Variants in ATP6V1B2 observed in about 807,000 individuals in gnomAD.
ATP6V1B2 encodes the protein V-type proton ATPase subunit B, brain isoform.
In ATP6V1B2, 23 loss-of-function variants were observed where a neutral mutation model predicts 66.7. That is an observed-to-expected ratio of 0.34 (90% CI 0.25 to 0.49). The LOEUF (loss-of-function observed/expected upper bound fraction) is 0.49, where lower values mean the gene tolerates loss of function less well. ATP6V1B2 is among the 20% of genes least tolerant of loss of function. The pLI, the probability that ATP6V1B2 is intolerant of heterozygous loss-of-function variation, is 0.99. For missense variants in ATP6V1B2, 478 were observed against 650.8 expected, an observed-to-expected ratio of 0.73 and a Z score of 2.89; for synonymous variants, 278 against 236.7, an observed-to-expected ratio of 1.17 and a Z score of -1.60.
chr8:20,211,732 A>T lies in ATP6V1B2; in HGVS notation c.684A>T (p.Ala228=), dbSNP rs114753726. The T allele has an allele frequency of 6.2e-7, 1 of 1,609,678 alleles. No homozygotes were observed. Among genetic ancestry groups the T allele is most frequent in the African/African-American group, 1.3e-5 (1 of 74,600 alleles). ...DVVDYSEENF[A]IVFAAMGVNM... ...TAGACTACAGTGAGGAAAATTTTGC[A>T]ATTGTATTTGCTGCTATGGGTGTAA... Residue 228 remains alanine (A), a synonymous_variant, in exon 7 of 14, where the codon GCA becomes GCT. Transcript: ENST00000276390.
At chr8:20,199,152 A>T (rs2072658286) in intron 1 of ATP6V1B2, among the ~76,000 whole-genome samples, 1 of 152,238 alleles carries the variant, frequency 6.6e-6, no homozygotes, top group Non-Finnish European at 1.5e-5. Flanking sequence ...AACCTTTAAG[A>T]GAGATGAATA....
chr8:20,197,482 G>A lies in ATP6V1B2; in HGVS notation c.76G>A (p.Val26Met), dbSNP rs749013791. 1 of 1,515,486 alleles carries A rather than the reference G, an allele frequency of 6.6e-7. No homozygotes were observed. The highest frequency in any genetic ancestry group is 8.8e-7 in the Non-Finnish European group (1 of 1,132,244). The allele number at this position is 1,515,486 out of a possible 1,614,324, so 93.9% of individuals were successfully genotyped here. Residue 26 changes from valine to methionine, a missense_variant, in exon 1 of 14, where the codon GTG (valine) becomes ATG (methionine). Transcript: ENST00000276390. Reference sequence around the variant, plus strand: ...ACCCGTGCCCACCGGTGGGCCGGCGGTGGGAGCTCGGGAGCAGGCGCTGGC... The same window carrying A: ...ACCCGTGCCCACCGGTGGGCCGGCGATGGGAGCTCGGGAGCAGGCGCTGGC... Reference protein sequence around the residue: ...ELPVPTGGPAVGAREQALAVS... With the variant: ...ELPVPTGGPAMGAREQALAVS...
chr8:20,214,554 CT>C, intron 9 of ATP6V1B2: 1 of 269,430 alleles, frequency 3.7e-6, no homozygotes, highest in South Asian at 1.5e-4. Flanking sequence ...AACAGATTTT[CT>C]TCTAGCAAAC....
rs1053968701 is a variant in ATP6V1B2, at chr8:20,214,593, C to T, written c.928-225C>T. On this transcript the variant is annotated intron_variant, in intron 9 of 13. Coordinates refer to ENST00000276390, the MANE Select transcript of ATP6V1B2 (RefSeq NM_001693.4). ...TTTGAAAACTTACATTATGGCAATA[C>T]GATTTTAGCAAAAACCTTCTGGTGC... is the stretch of plus-strand genomic sequence containing the variant. The T allele has an allele frequency of 2.9e-5, 11 of 375,300 alleles. 1 individual carries two copies. The highest frequency in any genetic ancestry group is 1.3e-4 in the African/African-American group (6 of 47,924). 23.2% of individuals were successfully genotyped at this position (375,300 alleles called of 1,614,324 possible). A position where few individuals can be genotyped will look rare whatever the true frequency, so the allele number is the denominator to read the frequency against.
intron 1 of ATP6V1B2, among the ~76,000 whole-genome samples, chr8:20,197,889 C>T (rs1361954514): frequency 2.6e-5 from 4 of 152,202 alleles, no homozygotes; most frequent in African/African-American, 7.2e-5. Flanking sequence ...TCTTAATCTT[C>T]CCCTGACTTC....
chr8:20,214,982 T>G lies in ATP6V1B2; in HGVS notation c.1078+14T>G. 1 of 1,611,738 alleles carries G rather than the reference T, an allele frequency of 6.2e-7. No homozygotes were observed. The highest frequency in any genetic ancestry group is 8.5e-7 in the Non-Finnish European group (1 of 1,178,740). On this transcript the variant is annotated intron_variant, in intron 10 of 13. Coordinates refer to ENST00000276390, the MANE Select transcript of ATP6V1B2 (RefSeq NM_001693.4). ...TGCCTAATGATGGTAAGTTTTGGTA[T>G]TTGGATTATAACACACCTAATCATT...
At chr8:20,215,288 C>T (rs1449924707) in intron 10 of ATP6V1B2, 1 of 173,808 alleles carries the variant, frequency 5.8e-6, no homozygotes, top group Non-Finnish European at 1.2e-5. Context: ...GTTACTCAGT[C>T]TAATTGGGGA....
chr8:20,215,845 T>A (rs1043987544), intron 10 of ATP6V1B2: 17 of 152,344 alleles, frequency 1.1e-4, no homozygotes, highest in African/African-American at 3.6e-4. Flanking sequence ...TGTAGTGTTG[T>A]TTACTTGTCT....
intron 2 of ATP6V1B2, among the ~76,000 whole-genome samples, chr8:20,206,458 A>G (rs547565678): frequency 2.1e-3 from 318 of 152,348 alleles, no homozygotes; most frequent in Non-Finnish European, 3.3e-3. Flanking sequence ...ATAATTTGCT[A>G]GAATAGGTTA....
At chr8:20,216,385 C>G (rs1218814069) in intron 10 of ATP6V1B2, 28 bp from the exon 11 acceptor site, 5 of 1,590,056 alleles carry the variant, frequency 3.1e-6, no homozygotes, top group African/African-American at 1.3e-5. Context: ...AGATGCCATG[C>G]TTAATGCCAA....
chr8:20,203,018 G>C (rs1358024499), intron 1 of ATP6V1B2, among the ~76,000 whole-genome samples: 1 of 152,212 alleles, frequency 6.6e-6, no homozygotes, highest in Non-Finnish European at 1.5e-5. Context: ...ATCTTTTAAA[G>C]GGTTGGAATT....
At chr8:20,206,980 C>T (rs2072745415) in intron 2 of ATP6V1B2, among the ~76,000 whole-genome samples, 1 of 152,136 alleles carries the variant, frequency 6.6e-6, no homozygotes, top group Admixed American at 6.5e-5. Flanking sequence ...TCAGAAAACC[C>T]AAGTCATCCA....
chr8:20,213,576 C>T (rs2072816527), intron 9 of ATP6V1B2: 2 of 152,510 alleles, frequency 1.3e-5, no homozygotes, highest in African/African-American at 4.8e-5. Flanking sequence ...AGCTTGAGTC[C>T]AGTAATTTGA....
intron 1 of ATP6V1B2, among the ~76,000 whole-genome samples, chr8:20,199,571 A>T (rs7819232): frequency 5.4e-5 from 8 of 149,166 alleles, no homozygotes; most frequent in South Asian, 4.2e-4. Context: ...ATTGCTTCTG[A>T]GTAAATATTG....
At chr8:20,216,548 C>CT in intron 11 of ATP6V1B2, 53 bp downstream of exon 11, 2 of 1,510,968 alleles carry the variant, frequency 1.3e-6, no homozygotes, top group South Asian at 2.3e-5. Flanking sequence ...ATCCGTTATT[C>CT]TTTAGTGACT....
chr8:20,212,864 A>G lies in ATP6V1B2; in HGVS notation c.886A>G (p.Ile296Val). The G allele has an allele frequency of 6.2e-7, 1 of 1,613,770 alleles. No individual in the cohort carries two copies. The highest frequency in any genetic ancestry group is 8.5e-7 in the Non-Finnish European group (1 of 1,179,762). Residue 296 changes from isoleucine (I) to valine (V), a missense_variant, in exon 9 of 14, where the codon ATT becomes GTT. Ile to Val is a conservative substitution (Grantham distance 29). Transcript: ENST00000276390. ...AYQCEKHVLV[I>V]LTDMSSYAEA... ...CCAATGTGAGAAACATGTATTGGTT[A>G]TTCTAACAGACATGAGTTCTTATGC...
In ATP6V1B2 at chr8:20,204,559, T is replaced by C. The variant is rs749883642; in HGVS notation, c.192+20T>C. 1.2e-6 allele frequency: 2 copies of C among 1,600,626 alleles called. No homozygotes were observed. Among genetic ancestry groups the C allele is most frequent in the Admixed American group, 3.3e-5 (2 of 59,722 alleles). ...GTTAAGGTAATACCACTATCTGTTT[T>C]GGTCTATTTATGTAGTTAAAAATGT... On this transcript the variant is annotated intron_variant, in intron 2 of 13. Coordinates refer to ENST00000276390, the MANE Select transcript of ATP6V1B2 (RefSeq NM_001693.4).
intron 2 of ATP6V1B2, among the ~76,000 whole-genome samples, chr8:20,204,794 AT>A (rs1563804857): frequency 6.6e-6 from 1 of 152,138 alleles, no homozygotes; most frequent in African/African-American, 2.4e-5. Flanking sequence ...GTAATTGTAC[AT>A]TGGTTACAGG....
chr8:20,214,806 A>T lies in ATP6V1B2; in HGVS notation c.928-12A>T, dbSNP rs755395741. ...ATCGTGCATGATACTCTTCTGCTTG[A>T]CCTGCTGTCAGGTTTCAGCAGCCAG... is the stretch of plus-strand genomic sequence containing the variant. On this transcript the variant is annotated splice_polypyrimidine_tract_variant and intron_variant, in intron 9 of 13. Coordinates refer to ENST00000276390, the MANE Select transcript of ATP6V1B2 (RefSeq NM_001693.4). 6.2e-7 allele frequency: 1 copy of T among 1,607,574 alleles called. No homozygotes were observed. The highest frequency in any genetic ancestry group is 8.5e-7 in the Non-Finnish European group (1 of 1,176,606).
Sources: allele counts gnomAD v4.1 joint callset (sites outside exome capture counted in the v4.1 genomes callset), GRCh38; gene constraint gnomAD v4.1.1; transcripts MANE v1.5; gene names NCBI Gene and HGNC (gene_info 2026-07-23, HGNC 2026-07-21).